The following SMURF2 variants were observed in gnomAD, a reference collection of about 807,000 sequenced individuals.
SMURF2 encodes E3 ubiquitin-protein ligase SMURF2.
SMURF2 carries 48 observed loss-of-function variants against 109.6 expected under a neutral mutation model. The ratio of observed to expected loss-of-function variants is 0.44; its 90% CI spans 0.35 to 0.56. The LOEUF (loss-of-function observed/expected upper bound fraction) is 0.56. Among genes scored for constraint, SMURF2 ranks in the 20% least tolerant of loss-of-function variants. The pLI is 0.01. For synonymous variants in SMURF2, 288 were observed against 317.1 expected (o/e 0.91, Z 0.97); for missense variants, 575 against 909.0 (o/e 0.63, Z 4.72).
At chr17:64,587,125 G>A (rs1163111304) in intron 5 of SMURF2, among the ~76,000 whole-genome samples, 23 of 152,096 alleles carry the variant, frequency 1.5e-4, no homozygotes, top group African/African-American at 4.6e-4. Flanking sequence ...GCAGTGAGCC[G>A]TGATTGCACC....
chr17:64,587,172 C>T lies in SMURF2; in HGVS notation c.401-1002G>A, dbSNP rs546173942. Among the ~76,000 whole-genome samples, 6 of 152,094 alleles carry T rather than the reference C, an allele frequency of 3.9e-5. No homozygotes were observed. The South Asian group carries it at 1.2e-3, about 32-fold the overall frequency. ...GCCTGGCAACAGAGTGAGACTCCGT[C>T]TCAAAAAAATAAATAAATAATAAAT... On this transcript the variant is annotated intron_variant, in intron 5 of 18. Transcript: ENST00000262435.
chr17:64,583,417 G>A (rs781942004), intron 7 of SMURF2, 44 bp downstream of exon 7: 48 of 1,490,090 alleles, frequency 3.2e-5, no homozygotes, highest in South Asian at 4.5e-5. Context: ...GACTTCAGGA[G>A]GGTGGCTGGC....
At chr17:64,645,779 C>T (rs1555692934) in intron 1 of SMURF2, among the ~76,000 whole-genome samples, 2 of 152,122 alleles carry the variant, frequency 1.3e-5, no homozygotes, top group African/African-American at 4.8e-5. Context: ...GGTGGACATG[C>T]ATCTCTTAAT....
intron 1 of SMURF2, among the ~76,000 whole-genome samples, chr17:64,650,479 G>C (rs1970622198): frequency 6.6e-6 from 1 of 151,932 alleles, no homozygotes; most frequent in African/African-American, 2.4e-5. Flanking sequence ...GGCATAACTA[G>C]GATACGAACT....
Position 64,661,882 on chromosome 17 carries a change from TC to T in SMURF2, c.-3del, listed in dbSNP as rs1356503716. 8.3e-7 allele frequency: 1 copy of T among 1,201,786 alleles called. No homozygotes were observed. 74.4% of individuals were successfully genotyped at this position (1,201,786 alleles called of 1,614,324 possible). A position where few individuals can be genotyped will look rare whatever the true frequency, so the allele number is the denominator to read the frequency against. On this transcript the variant is annotated 5_prime_UTR_variant, in exon 1 of 19. Coordinates refer to ENST00000262435, the MANE Select transcript of SMURF2 (RefSeq NM_022739.4). ...CCTCCGGCCTCCGGGGTTAGACATG[TC>T]CCCGGCGGCGGGGGCGGCGGGGGCG... is the stretch of plus-strand genomic sequence containing the variant.
intron 1 of SMURF2, among the ~76,000 whole-genome samples, chr17:64,657,589 C>T (rs1216555661): frequency 5.9e-5 from 9 of 151,478 alleles, no homozygotes; most frequent in Admixed American, 6.6e-5. Context: ...CCTGTAGTCC[C>T]AGCCAGTTGG....
rs782106803 is a variant in SMURF2, at chr17:64,593,546, C to A, written c.228G>T (p.Thr76=). The change falls in exon 4 of 19, where the codon ACG becomes ACT. Residue 76 remains threonine (T), a synonymous_variant. Coordinates refer to ENST00000262435, the MANE Select transcript of SMURF2 (RefSeq NM_022739.4). ...DLYIGKSDSV[T]ISVWNHKKIH... Reference sequence around the variant, plus strand: ...TCTTCTTGTGATTCCATACACTGATCGTAACTGAATCAGACTTTCCAATAT... The same window carrying A: ...TCTTCTTGTGATTCCATACACTGATAGTAACTGAATCAGACTTTCCAATAT... The A allele has an allele frequency of 1.0e-5, 16 of 1,574,362 alleles. No individual in the cohort carries two copies. The highest frequency in any genetic ancestry group is 4.5e-5 in the East Asian group (2 of 44,178).
chr17:64,621,906 T>TAAATA (rs147265845), intron 1 of SMURF2, among the ~76,000 whole-genome samples: 2 of 123,694 alleles, frequency 1.6e-5, no homozygotes, highest in African/African-American at 6.9e-5. Context: ...AATAAATAAA[T>TAAATA]AATAATAATA....
chr17:64,604,275 G>C (rs1008022108), intron 2 of SMURF2, among the ~76,000 whole-genome samples: 2 of 152,100 alleles, frequency 1.3e-5, no homozygotes, highest in African/African-American at 4.8e-5. Flanking sequence ...CCCATTCTAA[G>C]TTTTAAAGAT....
intron 8 of SMURF2, among the ~76,000 whole-genome samples, chr17:64,579,054 T>G (rs931453704): frequency 1.1e-4 from 17 of 152,214 alleles, no homozygotes; most frequent in African/African-American, 3.6e-4. Flanking sequence ...AGATTACATT[T>G]GAGCTCAAAG....
intron 12 of SMURF2, among the ~76,000 whole-genome samples, chr17:64,560,205 T>C (rs1969192224): frequency 6.6e-6 from 1 of 151,844 alleles, no homozygotes; most frequent in Admixed American, 6.6e-5. Context: ...GGTGACAGAG[T>C]GAGACCCCGT....
chr17:64,592,027 G>A (rs1476877476), intron 4 of SMURF2, among the ~76,000 whole-genome samples: 12 of 152,260 alleles, frequency 7.9e-5, no homozygotes, highest in African/African-American at 2.9e-4. Flanking sequence ...CAAAAATACA[G>A]ACATTTTTCC....
At chr17:64,623,561 C>T (rs16947938) in intron 1 of SMURF2, among the ~76,000 whole-genome samples, 7,645 of 152,274 alleles carry the variant, frequency 0.05, 318 homozygotes, top group Admixed American at 0.14. Flanking sequence ...TTTATTCCAT[C>T]GCAAGCCAGA....
chr17:64,560,823 G>C (rs1446746160), intron 12 of SMURF2: 2 of 150,800 alleles, frequency 1.3e-5, no homozygotes, highest in African/African-American at 4.9e-5. Context: ...AAAACTAGCC[G>C]GGTGTGGTGG....
Position 64,571,941 on chromosome 17 carries a change from G to T in SMURF2, c.873C>A (p.Ile291=). ...DPRVPRDLSN[I]NCEELGPLPP... is the part of the protein sequence containing the mutation. ...GCAATGGACCAAGCTCTTCACAATT[G>T]ATGTTGCTAAGATCCCTGCAAAAAC... is the stretch of plus-strand genomic sequence containing the variant. Residue 291 remains isoleucine, a synonymous_variant, in exon 10 of 19, where the codon ATC becomes ATA. Coordinates refer to ENST00000262435, the MANE Select transcript of SMURF2 (RefSeq NM_022739.4). The T allele has an allele frequency of 6.2e-7, 1 of 1,611,786 alleles. No homozygotes were observed. Among genetic ancestry groups the T allele is most frequent in the Non-Finnish European group, 8.5e-7 (1 of 1,179,192 alleles).
chr17:64,589,395 T>TC (rs1969717762), intron 5 of SMURF2, among the ~76,000 whole-genome samples: 1 of 151,364 alleles, frequency 6.6e-6, no homozygotes. Flanking sequence ...TTTTTGAGTT[T>TC]TTTTTTTTTT....
chr17:64,646,351 C>T (rs991167721), intron 1 of SMURF2, among the ~76,000 whole-genome samples: 4 of 151,184 alleles, frequency 2.6e-5, no homozygotes, highest in Non-Finnish European at 5.9e-5. Flanking sequence ...TAGGCATGAG[C>T]CACTGGAATT....
At chr17:64,650,730 T>C (rs1185231821) in intron 1 of SMURF2, among the ~76,000 whole-genome samples, 1 of 152,060 alleles carries the variant, frequency 6.6e-6, no homozygotes, top group Non-Finnish European at 1.5e-5. Context: ...CTGGGGAGGC[T>C]GAGGCAGGAG....
At chr17:64,553,936 G>A (rs1969081776) in intron 15 of SMURF2, among the ~76,000 whole-genome samples, 1 of 152,180 alleles carries the variant, frequency 6.6e-6, no homozygotes. Flanking sequence ...GCAAGTTTCT[G>A]TGTACATAAA....
Sources: gnomAD v4.1 joint callset for allele counts (sites outside exome capture counted in the v4.1 genomes callset) on GRCh38, gnomAD v4.1.1 for gene constraint, MANE v1.5 for transcripts, NCBI Gene and HGNC (gene_info 2026-07-23, HGNC 2026-07-21) for gene names.